The following TG variants were observed in gnomAD, a reference collection of about 807,000 sequenced individuals.
TG encodes the protein thyroid hormones.
TG carries 270 observed loss-of-function variants against 324.7 expected under a neutral mutation model. The observed-to-expected ratio is 0.83, with a 90% CI of 0.75 to 0.92. The LOEUF (loss-of-function observed/expected upper bound fraction) is 0.92, where lower values mean the gene tolerates loss of function less well. TG is among the 40% of genes least tolerant of loss of function. The probability of loss-of-function intolerance (pLI) is 0.00; values close to 1 mark genes in which losing one functional copy is unlikely to be tolerated. For synonymous variants in TG, 1,401 were observed against 1,327.0 expected (o/e 1.06, Z -1.21); for missense variants, 3,591 against 3,456.4 (o/e 1.04, Z -0.98).
At chr8:132,946,851 G>A (rs1036998505) in intron 26 of TG, among the ~76,000 whole-genome samples, 1 of 152,158 alleles carries the variant, frequency 6.6e-6, no homozygotes, top group Non-Finnish European at 1.5e-5. Flanking sequence ...CTACCTCTCA[G>A]GCACAGCCTT....
chr8:133,038,330 C>T (rs1325821818), intron 41 of TG: 1 of 603,766 alleles, frequency 1.7e-6, no homozygotes, highest in East Asian at 2.8e-5. Flanking sequence ...CAGCCCTGAT[C>T]AGACACCAGG....
At chr8:133,054,310 A>T (rs1455644899) in intron 41 of TG, among the ~76,000 whole-genome samples, 1 of 152,196 alleles carries the variant, frequency 6.6e-6, no homozygotes, top group Non-Finnish European at 1.5e-5. Flanking sequence ...AGACATATGC[A>T]CTGCGCATGA....
chr8:132,921,840 C>G (rs936679089), intron 21 of TG, among the ~76,000 whole-genome samples: 1 of 152,156 alleles, frequency 6.6e-6, no homozygotes, highest in African/African-American at 2.4e-5. Flanking sequence ...TTAAAAATAG[C>G]CTTTGTAACC....
At chr8:133,121,781 G>T (rs1851158883) in intron 45 of TG, among the ~76,000 whole-genome samples, 1 of 152,150 alleles carries the variant, frequency 6.6e-6, no homozygotes, top group Non-Finnish European at 1.5e-5. Context: ...AGAGTATTCT[G>T]TTCTTCTTGG....
At chr8:132,938,367 AG>A (rs1823912326) in intron 25 of TG, among the ~76,000 whole-genome samples, 2 of 152,132 alleles carry the variant, frequency 1.3e-5, no homozygotes, top group Admixed American at 1.3e-4. Context: ...TCAGAATCAA[AG>A]GATGTCAGTG....
At chr8:133,034,440 G>A (rs947075102) in intron 41 of TG, among the ~76,000 whole-genome samples, 1 of 152,136 alleles carries the variant, frequency 6.6e-6, no homozygotes, top group East Asian at 1.9e-4. Flanking sequence ...GAAAATACTA[G>A]TGTTAGGAAA....
chr8:132,915,365 A>C (rs1372347586), intron 20 of TG, among the ~76,000 whole-genome samples: 2 of 152,182 alleles, frequency 1.3e-5, no homozygotes, highest in African/African-American at 4.8e-5. Context: ...GGGCTGGCCT[A>C]GAAACCTGGT....
At chr8:133,084,612 G>A (rs1434963185) in intron 41 of TG, among the ~76,000 whole-genome samples, 1 of 152,194 alleles carries the variant, frequency 6.6e-6, no homozygotes, top group East Asian at 1.9e-4. Flanking sequence ...TGTAACAGAT[G>A]GAAAAAGGCA....
chr8:132,967,586 T>C (rs967228776), intron 30 of TG, among the ~76,000 whole-genome samples: 4 of 152,176 alleles, frequency 2.6e-5, no homozygotes, highest in African/African-American at 9.7e-5. Flanking sequence ...CTGCCTTTAT[T>C]CAGGAGCACA....
chr8:132,933,534 T>C (rs765535187), intron 23 of TG, 27 bp from the exon 24 acceptor site: 2 of 1,607,426 alleles, frequency 1.2e-6, no homozygotes, highest in East Asian at 2.2e-5. Flanking sequence ...GAAAGCCAGG[T>C]GAGTGACCGT....
Position 132,967,867 on chromosome 8 carries a change from C to T in TG, c.5760C>T (p.Thr1920=), listed in dbSNP as rs200431848. 1.9e-4 allele frequency: 313 copies of T among 1,613,998 alleles called. 1 individual carries two copies. Among genetic ancestry groups the T allele is most frequent in the Non-Finnish European group, 2.2e-4 (258 of 1,179,946 alleles). The change falls in exon 31 of 48, where the codon ACC becomes ACT. Residue 1920 remains threonine (T), a synonymous_variant. Coordinates refer to ENST00000220616, the MANE Select transcript of TG (RefSeq NM_003235.5). ...TESASLYFTC[T]LYPEAQVCDD... is the part of the protein sequence containing the mutation. ...GTGCATCCTTGTACTTCACCTGCAC[C>T]CTCTACCCAGAGGCACAGGTGTGTG...
intron 41 of TG, among the ~76,000 whole-genome samples, chr8:133,063,044 G>T (rs1353529904): frequency 1.3e-5 from 2 of 152,188 alleles, no homozygotes; most frequent in African/African-American, 4.8e-5. Context: ...AGGCCTTTGG[G>T]CTTCTGGGGA....
At chr8:132,924,917 A>G (rs1821617097) in intron 22 of TG, among the ~76,000 whole-genome samples, 1 of 152,190 alleles carries the variant, frequency 6.6e-6, no homozygotes, top group Non-Finnish European at 1.5e-5. Context: ...AGGCTGAAAC[A>G]GTCTGCAAGG....
At chr8:132,954,472 CTG>C (rs1432628609) in intron 27 of TG, among the ~76,000 whole-genome samples, 1 of 152,192 alleles carries the variant, frequency 6.6e-6, no homozygotes, top group African/African-American at 2.4e-5. Flanking sequence ...AGGGTGGACT[CTG>C]AGGCCAGTTG....
intron 41 of TG, chr8:133,038,350 CT>C: frequency 1.6e-6 from 1 of 615,374 alleles, no homozygotes; most frequent in Non-Finnish European, 2.9e-6. Flanking sequence ...GGAGGGGTTC[CT>C]TTGGTCATGA....
chr8:132,966,497 G>T (rs1828587123), intron 29 of TG, 63 bp from the exon 30 acceptor site: 16 of 1,573,268 alleles, frequency 1.0e-5, no homozygotes, highest in Non-Finnish European at 1.3e-5. Flanking sequence ...TTTCTTTCTT[G>T]TGTTTTTCTC....
At chr8:132,935,045 T>C (rs1823366043) in intron 24 of TG, among the ~76,000 whole-genome samples, 1 of 152,070 alleles carries the variant, frequency 6.6e-6, no homozygotes, top group South Asian at 2.1e-4. Context: ...TTACTGAACC[T>C]AGTTCTGAAA....
At chr8:133,091,994 T>G (rs1382716453) in intron 41 of TG, among the ~76,000 whole-genome samples, 1 of 152,202 alleles carries the variant, frequency 6.6e-6, no homozygotes, top group Non-Finnish European at 1.5e-5. Flanking sequence ...TGTCAGTGTC[T>G]GTGTGTGTCC....
At chr8:133,093,174 T>A (rs4236897) in intron 41 of TG, among the ~76,000 whole-genome samples, 108,051 of 150,788 alleles carry the variant, frequency 0.72, 39,175 homozygotes, top group Non-Finnish European at 0.75. Context: ...ATCCAATGGT[T>A]CTTAAAAAAA....
Sources: allele counts gnomAD v4.1 joint callset (sites outside exome capture counted in the v4.1 genomes callset), GRCh38; gene constraint gnomAD v4.1.1; transcripts MANE v1.5; gene names NCBI Gene and HGNC (gene_info 2026-07-23, HGNC 2026-07-21).